Variants in ITPRID1 observed in about 807,000 individuals in gnomAD.
The protein encoded by ITPRID1 is protein ITPRID1.
Under a neutral mutation model 95.4 loss-of-function variants are expected in ITPRID1, and 96 were observed. The ratio of observed to expected loss-of-function variants is 1.01; its 90% CI spans 0.85 to 1.19. The LOEUF (loss-of-function observed/expected upper bound fraction) is 1.19, where lower values mean the gene tolerates loss of function less well. ITPRID1 is among the 50% of genes most tolerant of loss of function. The pLI is 0.00. For missense variants in ITPRID1, 1,339 were observed against 1,252.9 expected (o/e 1.07, Z -1.04); for synonymous variants, 510 against 453.6 (o/e 1.12, Z -1.58).
chr7:31,524,415 A>G (rs1222195459), intron 1 of ITPRID1, among the ~76,000 whole-genome samples: 1 of 152,216 alleles, frequency 6.6e-6, no homozygotes, highest in Non-Finnish European at 1.5e-5. Flanking sequence ...TTTATATCTC[A>G]GTTACAGCAA....
At chr7:31,614,014 G>C (rs1046775968) in intron 10 of ITPRID1, among the ~76,000 whole-genome samples, 1 of 152,220 alleles carries the variant, frequency 6.6e-6, no homozygotes, top group Non-Finnish European at 1.5e-5. Flanking sequence ...GCTCAGAGGA[G>C]TAAAGTGACT....
chr7:31,628,707 C>T (rs945488806), intron 10 of ITPRID1, among the ~76,000 whole-genome samples: 4 of 152,066 alleles, frequency 2.6e-5, no homozygotes, highest in African/African-American at 7.2e-5. Context: ...CCGCCCGCCT[C>T]GGCCTCCGAA....
At chr7:31,585,228 G>C (rs1376340092) in intron 10 of ITPRID1, among the ~76,000 whole-genome samples, 1 of 152,136 alleles carries the variant, frequency 6.6e-6, no homozygotes, top group African/African-American at 2.4e-5. Flanking sequence ...CATAAATGGA[G>C]GTATACGATG....
chr7:31,571,343 G>T (rs1164845894), intron 6 of ITPRID1, among the ~76,000 whole-genome samples: 1 of 152,146 alleles, frequency 6.6e-6, no homozygotes, highest in African/African-American at 2.4e-5. Context: ...CTTACCAAAT[G>T]TAGCTAGAAC....
In ITPRID1 at chr7:31,643,271, T is replaced by A; in HGVS notation, c.1901T>A (p.Leu634His). ...TGTCCTCACACCAACCACAGCTTAC[T>A]CGTACCAGAAAGCTCATCACAGTGT... Reference protein sequence around the residue: ...GFCPHTNHSLLVPESSSQCIP... With the variant: ...GFCPHTNHSLHVPESSSQCIP... The change falls in exon 12 of 15, where the codon CTC becomes CAC. Residue 634 changes from leucine to histidine, a missense_variant. Coordinates refer to ENST00000615280, the MANE Select transcript of ITPRID1 (RefSeq NM_001257967.3). 3 of 1,613,748 alleles carry A rather than the reference T, an allele frequency of 1.9e-6. No homozygotes were observed. Among genetic ancestry groups the A allele is most frequent in the Non-Finnish European group, 2.5e-6 (3 of 1,179,864 alleles).
intron 10 of ITPRID1, among the ~76,000 whole-genome samples, chr7:31,616,165 T>C (rs184769645): frequency 7.3e-5 from 11 of 151,594 alleles, no homozygotes; most frequent in Non-Finnish European, 1.5e-4. Context: ...ATTCTTACAG[T>C]TTTCAAGAAT....
intron 10 of ITPRID1, among the ~76,000 whole-genome samples, chr7:31,627,659 C>CAAAAAAAAAAAAA (rs3078462): frequency 2.6e-5 from 2 of 75,540 alleles, no homozygotes; most frequent in African/African-American, 5.3e-5. Flanking sequence ...GACACTGTCT[C>CAAAAAAAAAAAAA]AAAAAAAAAA....
At position 31,572,199 on chromosome 7, in the gene ITPRID1, T is replaced by G; in HGVS notation, c.395+11T>G. On this transcript the variant is annotated intron_variant, in intron 7 of 14. Coordinates refer to ENST00000615280, the MANE Select transcript of ITPRID1 (RefSeq NM_001257967.3). The stretch of plus-strand genomic sequence containing the variant: ...AAGTGTACCACAAAGGTATGTAATT[T>G]CCAGGTGCTTTTCATCCTGAGAAAT... 2 of 1,558,940 alleles carry G rather than the reference T, an allele frequency of 1.3e-6. No individual in the cohort carries two copies. Among genetic ancestry groups the G allele is most frequent in the Non-Finnish European group, 1.8e-6 (2 of 1,133,454 alleles).
chr7:31,620,588 T>C (rs1421488400), intron 10 of ITPRID1, among the ~76,000 whole-genome samples: 7 of 150,594 alleles, frequency 4.6e-5, no homozygotes, highest in Non-Finnish European at 8.9e-5. Flanking sequence ...AGAAAGGACA[T>C]CCACACCAAA....
rs1032672517 is a variant in ITPRID1, at chr7:31,654,091, C to A, written c.*1262C>A. Among the ~76,000 whole-genome samples the A allele has an allele frequency of 6.3e-5, 9 of 141,958 alleles. No homozygotes were observed. Among genetic ancestry groups the A allele is most frequent in the Non-Finnish European group, 1.4e-4 (9 of 65,736 alleles). 93.1% of individuals were successfully genotyped at this position (141,958 alleles called of 152,430 possible). Reference sequence around the variant, plus strand: ...AAAAAAACCAACAAGCAAATAATTACAATCCTGAAAAGAGCCTCAGAAGAC... The same window carrying A: ...AAAAAAACCAACAAGCAAATAATTAAAATCCTGAAAAGAGCCTCAGAAGAC... On this transcript the variant is annotated 3_prime_UTR_variant, in exon 15 of 15. Coordinates refer to ENST00000615280, the MANE Select transcript of ITPRID1 (RefSeq NM_001257967.3).
intron 10 of ITPRID1, among the ~76,000 whole-genome samples, chr7:31,638,876 G>A (rs970316439): frequency 6.6e-5 from 10 of 151,902 alleles, no homozygotes; most frequent in African/African-American, 1.5e-4. Context: ...TCCCAGGTTC[G>A]AGCAATTCTT....
intron 10 of ITPRID1, among the ~76,000 whole-genome samples, chr7:31,611,742 T>G (rs1786878177): frequency 6.6e-6 from 1 of 152,048 alleles, no homozygotes; most frequent in African/African-American, 2.4e-5. Context: ...TCTTTTAAAA[T>G]ATCCCTTGTA....
Position 31,643,195 on chromosome 7 carries a change from T to C in ITPRID1, c.1825T>C (p.Phe609Leu), listed in dbSNP as rs1177550151. ...SPGNDHTQDK[F>L]LHVDSEAPRE... ...TGGAAATGATCATACTCAAGACAAGTTCCTTCATGTTGACTCTGAGGCCCC... is the reference window on the plus strand; with the variant it reads ...TGGAAATGATCATACTCAAGACAAGCTCCTTCATGTTGACTCTGAGGCCCC... Residue 609 changes from phenylalanine (F) to leucine (L), a missense_variant, in exon 12 of 15, where the codon TTC (phenylalanine) becomes CTC (leucine). Physicochemically the swap from Phe to Leu is conservative, Grantham distance 22. Transcript: ENST00000615280. 1.2e-6 allele frequency: 2 copies of C among 1,613,720 alleles called. No individual in the cohort carries two copies. Among genetic ancestry groups the C allele is most frequent in the Admixed American group, 3.3e-5 (2 of 59,996 alleles).
chr7:31,620,186 GACAA>G (rs577424320), intron 10 of ITPRID1, among the ~76,000 whole-genome samples: 339 of 152,244 alleles, frequency 2.2e-3, no homozygotes, highest in African/African-American at 7.8e-3. Context: ...GCAGGGCACA[GACAA>G]ACAAAAAGAC....
intron 10 of ITPRID1, among the ~76,000 whole-genome samples, chr7:31,622,956 C>T (rs1166329225): frequency 6.6e-6 from 1 of 152,186 alleles, no homozygotes; most frequent in Non-Finnish European, 1.5e-5. Flanking sequence ...TACAAACTAG[C>T]ATCAGAGAAT....
At chr7:31,658,540 T>C, downstream of ITPRID1, 2 of 496,962 alleles carry the variant, frequency 4.0e-6, no homozygotes, top group Non-Finnish European at 6.4e-6. Context: ...AATGGTGGGT[T>C]GCATACGTAA....
chr7:31,622,811 A>C (rs1308248211), intron 10 of ITPRID1, among the ~76,000 whole-genome samples: 1 of 152,136 alleles, frequency 6.6e-6, no homozygotes, highest in Non-Finnish European at 1.5e-5. Flanking sequence ...AAATTAATGA[A>C]TCCAGGAGCT....
chr7:31,586,454 C>A lies in ITPRID1; in HGVS notation c.1228+3263C>A, dbSNP rs1583535483. Among the ~76,000 whole-genome samples, 4 of 151,818 alleles carry A rather than the reference C, an allele frequency of 2.6e-5. No individual in the cohort carries two copies. In the East Asian group the frequency reaches 7.7e-4, roughly 29 times the overall value. ...TGGTTGAACTAGTTTACAGTCCCAC[C>A]AACAGTGTAAAAGTATTCCTATTTC... is the stretch of plus-strand genomic sequence containing the variant. On this transcript the variant is annotated intron_variant, in intron 10 of 14. Transcript: ENST00000615280.
chr7:31,614,836 C>CACTGAGGAAAA (rs1164242322), intron 10 of ITPRID1, among the ~76,000 whole-genome samples: 1 of 152,014 alleles, frequency 6.6e-6, no homozygotes, highest in Non-Finnish European at 1.5e-5. Flanking sequence ...CAGAAACAGC[C>CACTGAGGAAAA]ACTGAGGAAA....
Sources: gnomAD v4.1 joint callset for allele counts (sites outside exome capture counted in the v4.1 genomes callset) on GRCh38, gnomAD v4.1.1 for gene constraint, MANE v1.5 for transcripts, NCBI Gene and HGNC (gene_info 2026-07-23, HGNC 2026-07-21) for gene names.